The following MYCBP2 variants were observed in gnomAD, a reference collection of about 807,000 sequenced individuals.
MYCBP2 encodes the protein E3 ubiquitin-protein ligase MYCBP2.
A neutral mutation model predicts 525.3 loss-of-function variants in MYCBP2; 120 were observed. That is an observed-to-expected ratio of 0.23 (90% CI 0.20 to 0.27). The LOEUF is 0.27. MYCBP2 is among the 10% of genes least tolerant of loss of function. MYCBP2 has a pLI of 1.00. For missense variants in MYCBP2, 4,149 were observed against 5,657.1 expected (o/e 0.73, Z 8.55); for synonymous variants, 1,894 against 1,955.8 (o/e 0.97, Z 0.83).
Position 77,191,778 on chromosome 13 carries a change from A to G in MYCBP2, c.3971T>C (p.Leu1324Pro). 2 of 1,614,124 alleles carry G rather than the reference A, an allele frequency of 1.2e-6. No individual in the cohort carries two copies. The highest frequency in any genetic ancestry group is 1.7e-6 in the Non-Finnish European group (2 of 1,180,008). The change falls in exon 28 of 83, where the codon CTC (leucine) becomes CCC (proline). Residue 1324 changes from leucine to proline, a missense_variant. Leu to Pro is a moderately conservative substitution (Grantham distance 98, BLOSUM62 -3). Transcript: ENST00000544440. ...CACATACCACCACCCAGCTTGCAGG[A>G]GAACAGGCTCATCAAACATCATTGC... ...KYAMMFDEPV[L>P]LQAGWWYVAW...
chr13:77,144,210 G>A (rs2055153953), intron 49 of MYCBP2: 1 of 493,212 alleles, frequency 2.0e-6, no homozygotes, highest in South Asian at 2.2e-5. Context: ...GTAACATCAG[G>A]AAATGGAGGG....
chr13:77,203,480 T>G (rs1458271857), intron 26 of MYCBP2, among the ~76,000 whole-genome samples: 2 of 151,734 alleles, frequency 1.3e-5, no homozygotes, highest in African/African-American at 2.4e-5. Context: ...CCAAGGTAAT[T>G]TACAGATTCA....
At chr13:77,083,993 C>T (rs907047753) in intron 62 of MYCBP2, among the ~76,000 whole-genome samples, 1 of 152,034 alleles carries the variant, frequency 6.6e-6, no homozygotes, top group Non-Finnish European at 1.5e-5. Flanking sequence ...GAGATTATTA[C>T]TTATTAGATA....
intron 82 of MYCBP2, among the ~76,000 whole-genome samples, chr13:77,049,152 T>C (rs1054985699): frequency 6.6e-6 from 1 of 152,120 alleles, no homozygotes; most frequent in African/African-American, 2.4e-5. Flanking sequence ...TACTGCCCTT[T>C]CCACACTCCC....
intron 55 of MYCBP2, among the ~76,000 whole-genome samples, chr13:77,107,867 T>C (rs74807428): frequency 0.03 from 4,533 of 152,278 alleles, 97 homozygotes; most frequent in East Asian, 0.053. Flanking sequence ...AATCAATACA[T>C]CTAATATTCT....
chr13:77,126,432 C>G lies in MYCBP2; in HGVS notation c.7770G>C (p.Met2590Ile), dbSNP rs193920951. The part of the protein sequence containing the change: ...DMPFLRGGPG[M>I]YKVVKTGPSG... ...AAGGTCCCGTCTTCACTACCTTGTA[C>G]ATGCCTGGCCCTCCTCGCAAGAATG... is the stretch of plus-strand genomic sequence containing the variant. The change falls in exon 53 of 83, where the codon ATG becomes ATC. Residue 2590 changes from methionine (M) to isoleucine (I), a missense_variant. Transcript: ENST00000544440. The G allele has an allele frequency of 1.9e-5, 31 of 1,613,886 alleles. No homozygotes were observed. The highest frequency in any genetic ancestry group is 2.5e-5 in the Non-Finnish European group (30 of 1,179,908).
intron 14 of MYCBP2, among the ~76,000 whole-genome samples, chr13:77,251,895 C>T (rs1301505077): frequency 1.3e-5 from 2 of 152,178 alleles, no homozygotes; most frequent in Non-Finnish European, 2.9e-5. Flanking sequence ...TCCAAACACC[C>T]TGTGTCCTTC....
chr13:77,300,637 T>C (rs1349441393), intron 1 of MYCBP2, among the ~76,000 whole-genome samples: 2 of 152,190 alleles, frequency 1.3e-5, no homozygotes, highest in African/African-American at 2.4e-5. Context: ...GCTATGAGTA[T>C]GCAACACAGA....
At chr13:77,279,471 C>A (rs1488272277) in intron 3 of MYCBP2, among the ~76,000 whole-genome samples, 3 of 152,174 alleles carry the variant, frequency 2.0e-5, no homozygotes, top group Non-Finnish European at 2.9e-5. Flanking sequence ...GAGCAAATTG[C>A]AATGAATGAG....
rs532375086 is a variant in MYCBP2 at position 77,207,568 on chromosome 13, C to T, written c.3417-743G>A. 1.7e-3 allele frequency among the ~76,000 whole-genome samples: 258 copies of T among 152,210 alleles called. 1 individual carries two copies. The highest frequency in any genetic ancestry group is 0.014 in the Middle Eastern group (4 of 294). ...TACACTAAACACCACTGACTGCAGA[C>T]TTTCAAAATGATTAAGATGGTAAAT... On this transcript the variant is annotated intron_variant, in intron 23 of 82. Coordinates refer to ENST00000544440, the MANE Select transcript of MYCBP2 (RefSeq NM_015057.5).
chr13:77,278,884 A>G lies in MYCBP2; in HGVS notation c.622T>C (p.Phe208Leu). 6.3e-7 allele frequency: 1 copy of G among 1,592,464 alleles called. No homozygotes were observed. Among genetic ancestry groups the G allele is most frequent in the Non-Finnish European group, 8.5e-7 (1 of 1,170,432 alleles). Residue 208 changes from phenylalanine to leucine, a missense_variant, in exon 4 of 83, where the codon TTT becomes CTT. Physicochemically the swap from Phe to Leu is conservative, Grantham distance 22. This residue lies in a region of MYCBP2 where 413 missense variants were observed against 451.2 expected (regional missense o/e 0.92). Transcript: ENST00000544440. ...AATCGTGTCTCTTTGATCAATTCAA[A>G]AACTTCACAAAGGCCAACCTCAATA... Reference protein sequence around the residue: ...KIIEVGLCEVFELIKETRFSH... With the variant: ...KIIEVGLCEVLELIKETRFSH...
intron 20 of MYCBP2, among the ~76,000 whole-genome samples, chr13:77,221,412 C>T (rs1012228099): frequency 2.0e-5 from 3 of 152,248 alleles, no homozygotes; most frequent in Admixed American, 6.5e-5. Flanking sequence ...TCCCTCTCAG[C>T]GGCCAACACA....
rs761820070 is a variant in MYCBP2 at position 77,098,654 on chromosome 13, G to A, written c.8500C>T (p.Pro2834Ser). The part of the protein sequence containing the change: ...PKTLPANRSS[P>S]SGASSPRSSS... ...GAGCGTGGAGAACTAGCACCCGATG[G>A]GCTAGACCTATTGGCTGGGAGAGTC... is the stretch of plus-strand genomic sequence containing the variant. Residue 2834 changes from proline (P) to serine (S), a missense_variant, in exon 56 of 83, where the codon CCA becomes TCA. By Grantham distance (74) the Pro-to-Ser change is moderately conservative. Transcript: ENST00000544440. 5 of 1,613,416 alleles carry A rather than the reference G, an allele frequency of 3.1e-6. No homozygotes were observed. The East Asian group carries it at 1.1e-4, about 36-fold the overall frequency.
chr13:77,093,910 A>C (rs2045832257), intron 58 of MYCBP2, among the ~76,000 whole-genome samples: 1 of 152,160 alleles, frequency 6.6e-6, no homozygotes, highest in African/African-American at 2.4e-5. Flanking sequence ...AAAAAGAAAA[A>C]AATCTATAAT....
intron 16 of MYCBP2, 95 bp downstream of exon 16, chr13:77,243,711 T>G (rs887610299): frequency 2.3e-5 from 25 of 1,084,070 alleles, no homozygotes; most frequent in Non-Finnish European, 3.1e-5. Flanking sequence ...ATTATCCTAA[T>G]TTATTAACAT....
chr13:77,198,687 T>C lies in MYCBP2; in HGVS notation c.3844-4443A>G, dbSNP rs79331866. On this transcript the variant is annotated intron_variant, in intron 26 of 82. Transcript: ENST00000544440. ...TTGGATACGAATAGGTGTGGTAACA[T>C]ATGACTCTCAATGATTTTTAGTTGG... Among the ~76,000 whole-genome samples, 937 of 152,364 alleles carry C rather than the reference T, an allele frequency of 6.1e-3. 2 individuals are homozygous for C. The highest frequency in any genetic ancestry group is 0.01 in the Middle Eastern group (3 of 294).
At chr13:77,228,550 T>C (rs1349513778) in intron 18 of MYCBP2, among the ~76,000 whole-genome samples, 1 of 150,716 alleles carries the variant, frequency 6.6e-6, no homozygotes, top group Non-Finnish European at 1.5e-5. Flanking sequence ...TTCAGTAAAG[T>C]GTTAATGAGC....
At chr13:77,246,640 A>G (rs2070063572) in intron 15 of MYCBP2, among the ~76,000 whole-genome samples, 1 of 147,298 alleles carries the variant, frequency 6.8e-6, no homozygotes, top group Non-Finnish European at 1.5e-5. Context: ...GAGAAAGAGA[A>G]GAAAGGGAGG....
intron 2 of MYCBP2, among the ~76,000 whole-genome samples, chr13:77,293,010 T>C (rs1249611444): frequency 6.7e-6 from 1 of 149,252 alleles, no homozygotes; most frequent in Non-Finnish European, 1.5e-5. Context: ...CTGGAGATGA[T>C]AGAAATGTTC....
Sources: allele counts gnomAD v4.1 joint callset (sites outside exome capture counted in the v4.1 genomes callset), GRCh38; gene constraint gnomAD v4.1.1; regional missense constraint gnomAD v4.1.1; transcripts MANE v1.5; gene names NCBI Gene and HGNC (gene_info 2026-07-23, HGNC 2026-07-21).